The following CEP104 variants were observed in gnomAD, a reference collection of about 807,000 sequenced individuals.
CEP104 encodes the protein centrosomal protein of 104 kDa.
Under a neutral mutation model 113.3 loss-of-function variants are expected in CEP104, and 84 were observed. The ratio of observed to expected loss-of-function variants is 0.74; its 90% confidence interval spans 0.62 to 0.89. The LOEUF (loss-of-function observed/expected upper bound fraction) is 0.89. Ranked by LOEUF, CEP104 falls within the 40% of genes least tolerant of loss-of-function variation. CEP104 has a pLI of 0.00. For missense variants in CEP104, 1,053 were observed against 1,156.6 expected, an observed-to-expected ratio of 0.91 and a Z score of 1.30; for synonymous variants, 378 against 421.7, an observed-to-expected ratio of 0.90 and a Z score of 1.27.
chr1:3,816,446 C>T (rs773871365), intron 20 of CEP104, 76 bp from the exon 21 acceptor site: 220 of 1,258,260 alleles, frequency 1.7e-4, no homozygotes, highest in Non-Finnish European at 2.3e-4. Flanking sequence ...CAAAAGGACT[C>T]GCTGTGTAAG....
In CEP104 at chr1:3,844,953, G is replaced by C. The variant is rs1243590943; in HGVS notation, c.520C>G (p.Leu174Val). 15 of 1,614,020 alleles carry C rather than the reference G, an allele frequency of 9.3e-6. 1 individual carries two copies. Among genetic ancestry groups the C allele is most frequent in the Non-Finnish European group, 1.3e-5 (15 of 1,180,028 alleles). Residue 174 changes from leucine to valine, a missense_variant, in exon 6 of 22, where the codon CTT becomes GTT. Coordinates refer to ENST00000378230, the MANE Select transcript of CEP104 (RefSeq NM_014704.4). ...ASREKLIDHYLGHNSEDPALE... is the reference protein window; with the variant it reads ...ASREKLIDHYVGHNSEDPALE... ...GCAGGGTCCTCGCTGTTGTGCCCAAGGTAGTGGTCAATCAACTTCTCTCGA... is the reference window on the plus strand; with the variant it reads ...GCAGGGTCCTCGCTGTTGTGCCCAACGTAGTGGTCAATCAACTTCTCTCGA...
intron 6 of CEP104, chr1:3,843,228 C>A: frequency 1.4e-6 from 1 of 714,342 alleles, no homozygotes; most frequent in South Asian, 1.5e-5. Flanking sequence ...GAACCACTGT[C>A]CCAAAGAGGT....
At chr1:3,825,400 G>A (rs1437157745) in intron 18 of CEP104, among the ~76,000 whole-genome samples, 1 of 152,184 alleles carries the variant, frequency 6.6e-6, no homozygotes, top group Non-Finnish European at 1.5e-5. Context: ...AGGTGCTGTG[G>A]TCCATTCAAG....
At chr1:3,824,847 G>C (rs1408279861) in intron 18 of CEP104, among the ~76,000 whole-genome samples, 2 of 150,494 alleles carry the variant, frequency 1.3e-5, no homozygotes, top group Non-Finnish European at 3.0e-5. Context: ...TGGCACCGTG[G>C]GAAGGGAGGC....
rs750500102 is a variant in CEP104, at chr1:3,823,414, G to A, written c.2503+10C>T. On this transcript the variant is annotated intron_variant, in intron 19 of 21. Transcript: ENST00000378230. The surrounding 1 kb of genome is among the most constrained non-coding windows in gnomAD (Gnocchi z 4.1). ...CCCGAGGGCACGGGAGCCTGGGAAG[G>A]GGCACTCACGGTTGCAATCCTTGTG... 40 of 1,614,042 alleles carry A rather than the reference G, an allele frequency of 2.5e-5. No individual in the cohort carries two copies. In the South Asian group the frequency reaches 3.1e-4, roughly 12 times the overall value.
At position 3,852,353 on chromosome 1, in the gene CEP104, A is replaced by G. The variant is rs1465912085; in HGVS notation, c.55T>C (p.Phe19Leu). The G allele has an allele frequency of 8.1e-6, 13 of 1,614,174 alleles. No individual in the cohort carries two copies. The highest frequency in any genetic ancestry group is 1.1e-5 in the Non-Finnish European group (13 of 1,180,038). Reference sequence around the variant, plus strand: ...TGGATCATGAGCTCCCGGGCACTGAAGCCGTCTTCGTGTCCAGATGAGCTG... The same window carrying G: ...TGGATCATGAGCTCCCGGGCACTGAGGCCGTCTTCGTGTCCAGATGAGCTG... ...VVSSSGHEDG[F>L]SARELMIHAP... is the part of the protein sequence containing the mutation. The change falls in exon 2 of 22, where the codon TTC (phenylalanine) becomes CTC (leucine). Residue 19 changes from phenylalanine to leucine, a missense_variant. Transcript: ENST00000378230.
chr1:3,846,465 C>T (rs1164544619), intron 4 of CEP104, among the ~76,000 whole-genome samples: 1 of 152,130 alleles, frequency 6.6e-6, no homozygotes, highest in Admixed American at 6.6e-5. Flanking sequence ...ATAGTTACTG[C>T]TTTTAAATGC....
At chr1:3,841,985 T>C (rs1644421216) in intron 6 of CEP104, among the ~76,000 whole-genome samples, 1 of 152,218 alleles carries the variant, frequency 6.6e-6, no homozygotes, top group Non-Finnish European at 1.5e-5. Flanking sequence ...TTCCCCACAG[T>C]GCTTCCATCC....
chr1:3,829,130 A>C, intron 15 of CEP104, 136 bp downstream of exon 15: 1 of 597,240 alleles, frequency 1.7e-6, no homozygotes, highest in Non-Finnish European at 2.8e-6. Context: ...CCCCAAAACT[A>C]ACCTAAAAAA....
Position 3,823,332 on chromosome 1 carries a change from C to G in CEP104, c.2504-91G>C. On this transcript the variant is annotated intron_variant, in intron 19 of 21. Coordinates refer to ENST00000378230, the MANE Select transcript of CEP104 (RefSeq NM_014704.4). This position sits in a 1 kb window ranked among gnomAD's most constrained non-coding sequence, Gnocchi z 4.1. ...TGCCCGCAGGTGCCCTTTAATTCAC[C>G]AAGCCCTTGCACAGGCTCAAGAGCA... 7.5e-6 allele frequency: 12 copies of G among 1,609,480 alleles called. No homozygotes were observed. Among genetic ancestry groups the G allele is most frequent in the Non-Finnish European group, 9.4e-6 (11 of 1,175,848 alleles).
chr1:3,813,558 A>G lies in CEP104; in HGVS notation c.*1844T>C, dbSNP rs1294772828. The G allele has an allele frequency of 6.7e-6, 1 of 148,908 alleles. No individual in the cohort carries two copies. Among genetic ancestry groups the G allele is most frequent in the South Asian group, 2.2e-4 (1 of 4,596 alleles). The allele number at this position is 148,908 out of a possible 1,614,324, so 9.2% of individuals were successfully genotyped here. On this transcript the variant is annotated 3_prime_UTR_variant, in exon 22 of 22. Transcript: ENST00000378230. ...CGCGCCTGGCCTCCTCTCTCCTTAT[A>G]AACACATTTAACCTGGGCGTGGTGG...
Position 3,823,479 on chromosome 1 carries a change from A to C in CEP104, c.2448T>G (p.Ser816Arg). 1 of 1,614,134 alleles carries C rather than the reference A, an allele frequency of 6.2e-7. No individual in the cohort carries two copies. The highest frequency in any genetic ancestry group is 8.5e-7 in the Non-Finnish European group (1 of 1,180,008). ...GCAGCTCTTCCTTGAAAACAGCCTC[A>C]CTGCAACGGTAACACTTTCCAAACC... ...KDGFGKCYRC[S>R]EAVFKEELPR... Residue 816 changes from serine to arginine, a missense_variant, in exon 19 of 22, where the codon AGT becomes AGG. By Grantham distance (110) the Ser-to-Arg change is moderately radical. Transcript: ENST00000378230. The surrounding 1 kb of genome is among the most constrained non-coding windows in gnomAD (Gnocchi z 4.1).
At chr1:3,832,973 G>A (rs542264837) in intron 12 of CEP104, among the ~76,000 whole-genome samples, 2 of 147,910 alleles carry the variant, frequency 1.4e-5, no homozygotes, top group East Asian at 3.9e-4. Context: ...GAGCCACCCC[G>A]CCTGGCCTGG....
chr1:3,847,044 C>G (rs980553344), intron 4 of CEP104, among the ~76,000 whole-genome samples: 2 of 152,118 alleles, frequency 1.3e-5, no homozygotes, highest in African/African-American at 4.8e-5. Context: ...TGCTGTCCTA[C>G]ACAAATAGGA....
intron 9 of CEP104, 131 bp downstream of exon 9, chr1:3,837,161 G>C (rs1644329803): frequency 2.9e-6 from 2 of 694,648 alleles, no homozygotes; most frequent in Non-Finnish European, 5.0e-6. Flanking sequence ...ATGGCTCCTA[G>C]AATGGAACAG....
chr1:3,828,337 C>A (rs1206872109), intron 15 of CEP104, among the ~76,000 whole-genome samples: 1 of 152,234 alleles, frequency 6.6e-6, no homozygotes, highest in African/African-American at 2.4e-5. Context: ...CAGAGGCTCA[C>A]TCCTCATCCC....
intron 1 of CEP104, among the ~76,000 whole-genome samples, chr1:3,856,238 G>A (rs1440390788): frequency 3.3e-5 from 5 of 152,228 alleles, no homozygotes; most frequent in African/African-American, 4.8e-5. Context: ...GTGAAACCCC[G>A]TCTCTACTAA....
Position 3,844,954 on chromosome 1 carries a change from G to A in CEP104, c.519C>T (p.Tyr173=). The A allele has an allele frequency of 1.2e-6, 2 of 1,614,146 alleles. No individual in the cohort carries two copies. Among genetic ancestry groups the A allele is most frequent in the Non-Finnish European group, 1.7e-6 (2 of 1,180,014 alleles). ...CAGGGTCCTCGCTGTTGTGCCCAAG[G>A]TAGTGGTCAATCAACTTCTCTCGAG... is the stretch of plus-strand genomic sequence containing the variant. The part of the protein sequence containing the change: ...TASREKLIDH[Y]LGHNSEDPAL... The change falls in exon 6 of 22, where the codon TAC becomes TAT. Residue 173 remains tyrosine, a synonymous_variant. Coordinates refer to ENST00000378230, the MANE Select transcript of CEP104 (RefSeq NM_014704.4).
chr1:3,814,026 G>A lies in CEP104; in HGVS notation c.*1376C>T, dbSNP rs1283868106. The A allele has an allele frequency of 2.0e-5, 3 of 152,144 alleles. No individual in the cohort carries two copies. The highest frequency in any genetic ancestry group is 4.4e-5 in the Non-Finnish European group (3 of 68,034). The allele number at this position is 152,144 out of a possible 1,614,324, so 9.4% of individuals were successfully genotyped here. A position where few individuals can be genotyped will look rare whatever the true frequency, so the allele number is the denominator to read the frequency against. ...GGCCAGGGAGTACATTGTTCAAATC[G>A]GGATTAGTTTTTAGATATTTTGTTG... On this transcript the variant is annotated 3_prime_UTR_variant, in exon 22 of 22. Coordinates refer to ENST00000378230, the MANE Select transcript of CEP104 (RefSeq NM_014704.4).
Sources: allele counts gnomAD v4.1 joint callset (sites outside exome capture counted in the v4.1 genomes callset), GRCh38; gene constraint gnomAD v4.1.1; non-coding constraint Gnocchi (gnomAD v3.1); transcripts MANE v1.5; gene names NCBI Gene and HGNC (gene_info 2026-07-23, HGNC 2026-07-21).